Variants in DTNB observed in about 807,000 individuals in gnomAD.
The protein encoded by DTNB is DTN-B.
A neutral mutation model predicts 90.7 loss-of-function variants in DTNB; 63 were observed. The ratio of observed to expected loss-of-function variants is 0.69; its 90% CI spans 0.57 to 0.86. The LOEUF (loss-of-function observed/expected upper bound fraction) is 0.86. Ranked by LOEUF, DTNB falls within the 40% of genes least tolerant of loss-of-function variation. The pLI, the probability that DTNB is intolerant of heterozygous loss-of-function variation, is 0.00. For missense variants in DTNB, 744 were observed against 807.1 expected (o/e 0.92, Z 0.95); for synonymous variants, 277 against 286.7 (o/e 0.97, Z 0.34).
At position 25,628,353 on chromosome 2, in the gene DTNB, T is replaced by C; in HGVS notation, c.180A>G (p.Glu60=). The C allele has an allele frequency of 6.2e-7, 1 of 1,613,474 alleles. No homozygotes were observed. ...LHLVDIWNMI[E]AFRDNGLNTL... Reference sequence around the variant, plus strand: ...TATTAAGGCCATTGTCTCGGAAGGCTTCAATCATGTTCCAGATATCAACAA... The same window carrying C: ...TATTAAGGCCATTGTCTCGGAAGGCCTCAATCATGTTCCAGATATCAACAA... The change falls in exon 4 of 21, where the codon GAA becomes GAG. Residue 60 remains glutamate (E), a synonymous_variant. Transcript: ENST00000406818.
At chr2:25,652,166 C>T (rs2081070980) in intron 2 of DTNB, among the ~76,000 whole-genome samples, 1 of 152,180 alleles carries the variant, frequency 6.6e-6, no homozygotes, top group Non-Finnish European at 1.5e-5. Context: ...TACACATTCA[C>T]TCTTTTTAGT....
chr2:25,395,493 A>G (rs1380505226), intron 16 of DTNB, among the ~76,000 whole-genome samples: 3 of 150,668 alleles, frequency 2.0e-5, no homozygotes, highest in African/African-American at 4.9e-5. Context: ...TACCAATTAC[A>G]TAATATACAT....
At chr2:25,444,312 T>A (rs2058050460) in intron 12 of DTNB, among the ~76,000 whole-genome samples, 1 of 152,122 alleles carries the variant, frequency 6.6e-6, no homozygotes, top group African/African-American at 2.4e-5. Flanking sequence ...GTGGATCACC[T>A]GACGTCAGGA....
intron 12 of DTNB, among the ~76,000 whole-genome samples, chr2:25,441,127 G>A (rs964396144): frequency 6.6e-6 from 1 of 152,322 alleles, no homozygotes; most frequent in East Asian, 1.9e-4. Context: ...AACCACCTGT[G>A]TAACAACCCG....
chr2:25,419,408 C>T (rs1270395503), intron 16 of DTNB, 107 bp downstream of exon 16: 2 of 1,524,338 alleles, frequency 1.3e-6, no homozygotes, highest in African/African-American at 1.4e-5. Context: ...CACATAAAAC[C>T]CTCTTCAGAG....
At chr2:25,440,401 C>T (rs1171595142) in intron 12 of DTNB, among the ~76,000 whole-genome samples, 1 of 152,192 alleles carries the variant, frequency 6.6e-6, no homozygotes, top group Non-Finnish European at 1.5e-5. Flanking sequence ...GAAGGTAAGA[C>T]AGCTGTAAAG....
In DTNB at chr2:25,610,855, G is replaced by A. The variant is rs1286364516; in HGVS notation, c.363-3534C>T. 7.2e-5 allele frequency among the ~76,000 whole-genome samples: 11 copies of A among 152,082 alleles called. No homozygotes were observed. In the East Asian group the frequency reaches 1.9e-3, roughly 27 times the overall value. On this transcript the variant is annotated intron_variant, in intron 4 of 20. Transcript: ENST00000406818. ...CTCCCGAGTAGCTGGGATTACAGGT[G>A]CACACCACCATGCCCAGATAATCTT... is the stretch of plus-strand genomic sequence containing the variant.
At chr2:25,453,378 T>A (rs2059556490) in intron 11 of DTNB, among the ~76,000 whole-genome samples, 1 of 152,216 alleles carries the variant, frequency 6.6e-6, no homozygotes. Context: ...TGACTTTCAT[T>A]TTCAGAATTA....
At chr2:25,469,920 T>C (rs189418740) in intron 10 of DTNB, among the ~76,000 whole-genome samples, 75 of 152,232 alleles carry the variant, frequency 4.9e-4, no homozygotes, top group African/African-American at 1.7e-3. Context: ...CCGTGCAATA[T>C]CATCTGCTAA....
intron 9 of DTNB, among the ~76,000 whole-genome samples, chr2:25,515,156 CA>C (rs2074822717): frequency 6.6e-6 from 1 of 151,274 alleles, no homozygotes. Flanking sequence ...GCAAGAAAAA[CA>C]AAAAGCAGAA....
intron 9 of DTNB, among the ~76,000 whole-genome samples, chr2:25,516,973 A>AT (rs1316990466): frequency 6.6e-6 from 1 of 152,230 alleles, no homozygotes; most frequent in South Asian, 2.1e-4. Flanking sequence ...CTAAAGACAA[A>AT]TGAAAACATA....
At chr2:25,505,109 T>C (rs1226972745) in intron 9 of DTNB, among the ~76,000 whole-genome samples, 5 of 152,200 alleles carry the variant, frequency 3.3e-5, no homozygotes, top group African/African-American at 9.7e-5. Flanking sequence ...AAATACTGTA[T>C]AATGATTGAC....
chr2:25,654,145 G>C (rs1033171656), intron 1 of DTNB, among the ~76,000 whole-genome samples: 1 of 152,210 alleles, frequency 6.6e-6, no homozygotes, highest in African/African-American at 2.4e-5. Context: ...GCAGGGCCAA[G>C]AGATTCCAAA....
At chr2:25,420,169 T>A (rs2049052126) in intron 15 of DTNB, among the ~76,000 whole-genome samples, 1 of 152,024 alleles carries the variant, frequency 6.6e-6, no homozygotes, top group Non-Finnish European at 1.5e-5. Context: ...CAACTAGCAA[T>A]TCTGCCCACT....
At chr2:25,471,204 C>T (rs1407347830) in intron 10 of DTNB, among the ~76,000 whole-genome samples, 1 of 152,200 alleles carries the variant, frequency 6.6e-6, no homozygotes, top group Non-Finnish European at 1.5e-5. Flanking sequence ...TTCTCTGGCA[C>T]AGCCAGGTTA....
At chr2:25,632,788 C>G (rs1410406548) in intron 3 of DTNB, among the ~76,000 whole-genome samples, 1 of 152,160 alleles carries the variant, frequency 6.6e-6, no homozygotes, top group Non-Finnish European at 1.5e-5. Context: ...TTCAGGTACT[C>G]TCTTATAAGC....
At chr2:25,411,568 C>T (rs944309891) in intron 16 of DTNB, among the ~76,000 whole-genome samples, 5 of 152,014 alleles carry the variant, frequency 3.3e-5, no homozygotes, top group South Asian at 2.1e-4. Flanking sequence ...CCTGGGACTG[C>T]GACCCAGGAT....
At chr2:25,513,461 G>A (rs1243758338) in intron 9 of DTNB, among the ~76,000 whole-genome samples, 3 of 152,136 alleles carry the variant, frequency 2.0e-5, no homozygotes, top group Admixed American at 6.6e-5. Flanking sequence ...GGTGGCTCAC[G>A]CCTGTAATCC....
chr2:25,524,874 G>A (rs1311462708), intron 9 of DTNB, among the ~76,000 whole-genome samples: 1 of 152,104 alleles, frequency 6.6e-6, no homozygotes, highest in Non-Finnish European at 1.5e-5. Context: ...AGATCTGGTG[G>A]TTAATCTGCT....
Sources: allele counts gnomAD v4.1 joint callset (sites outside exome capture counted in the v4.1 genomes callset), GRCh38; gene constraint gnomAD v4.1.1; transcripts MANE v1.5; gene names NCBI Gene and HGNC (gene_info 2026-07-23, HGNC 2026-07-21).